CDC42SE2: variants seen among roughly 807,000 people sequenced by gnomAD.
CDC42SE2 encodes CDC42 small effector 2.
CDC42SE2 carries 3 observed loss-of-function variants against 11.5 expected under a neutral mutation model. The ratio of observed to expected loss-of-function variants is 0.26; its 90% CI spans 0.12 to 0.67. The LOEUF (loss-of-function observed/expected upper bound fraction) is 0.67. Ranked by LOEUF, CDC42SE2 falls within the 30% of genes least tolerant of loss-of-function variation. CDC42SE2 has a pLI of 0.80. For missense variants in CDC42SE2, 82 were observed against 106.8 expected (o/e 0.77, Z 1.02); for synonymous variants, 33 against 34.8 (o/e 0.95, Z 0.18).
At chr5:131,260,703 G>A (rs1028627374), upstream of CDC42SE2, among the ~76,000 whole-genome samples, 33 of 151,736 alleles carry the variant, frequency 2.2e-4, no homozygotes, top group South Asian at 6.3e-4. Flanking sequence ...GGAGGCCGAG[G>A]CAGGCGGATC....
At position 131,312,046 on chromosome 5, in the gene CDC42SE2, C is replaced by T. The variant is rs576121930; in HGVS notation, c.-454-3930C>T. Among the ~76,000 whole-genome samples the T allele has an allele frequency of 2.6e-3, 399 of 152,220 alleles. 2 individuals carry two copies. Among genetic ancestry groups the T allele is most frequent in the African/African-American group, 8.1e-3 (338 of 41,548 alleles). On this transcript the variant is annotated intron_variant, in intron 1 of 4. Transcript: ENST00000505065. ...TGCTTTTTAGAGTTTCCAGTTTTTC[C>T]GTTCTGTTTTTTCCCCATCTTTGTG...
At chr5:131,345,035 A>T (rs1758805165) in intron 2 of CDC42SE2, among the ~76,000 whole-genome samples, 1 of 152,198 alleles carries the variant, frequency 6.6e-6, no homozygotes. Context: ...ATAAAACCAC[A>T]AATATGGGGA....
upstream of CDC42SE2, among the ~76,000 whole-genome samples, chr5:131,263,219 GA>G (rs1756769603): frequency 6.6e-6 from 1 of 151,960 alleles, no homozygotes; most frequent in Non-Finnish European, 1.5e-5. Flanking sequence ...AGTATGAGAG[GA>G]GTTATGGATG....
intron 1 of CDC42SE2, among the ~76,000 whole-genome samples, chr5:131,280,827 A>G (rs1022820145): frequency 3.3e-5 from 5 of 152,182 alleles, no homozygotes; most frequent in African/African-American, 4.8e-5. Context: ...GCCTTCATCT[A>G]TCTGTAGTAT....
At chr5:131,210,202 G>T in the CDC42SE2 span, among the ~76,000 whole-genome samples, 874 of 152,280 alleles carry the variant, frequency 5.7e-3, 9 homozygotes, top group African/African-American at 0.02. Flanking sequence ...GAATTACCCA[G>T]CCTCAGGTAT....
chr5:131,372,541 G>A (rs1042780448), intron 3 of CDC42SE2, among the ~76,000 whole-genome samples: 3 of 151,904 alleles, frequency 2.0e-5, no homozygotes, highest in East Asian at 1.9e-4. Flanking sequence ...GTGAAACCCC[G>A]TCTCTACTAA....
rs1173495197 is a variant in CDC42SE2 at position 131,309,652 on chromosome 5, A to T, written c.-454-6324A>T. Among the ~76,000 whole-genome samples, 16 of 151,906 alleles carry T rather than the reference A, an allele frequency of 1.1e-4. No homozygotes were observed. In the East Asian group the frequency reaches 3.1e-3, roughly 29 times the overall value. On this transcript the variant is annotated intron_variant, in intron 1 of 4. Coordinates refer to ENST00000505065, the MANE Select transcript of CDC42SE2 (RefSeq NM_001375635.1). ...TGTTATTGGTCTATTCAGAGATTCA[A>T]CTTCTTCCTGGTTTAGTCTTGGGAG...
chr5:131,264,500 CT>C lies in CDC42SE2; in HGVS notation c.-455+335del, dbSNP rs1166711275. 6.5e-3 allele frequency among the ~76,000 whole-genome samples: 986 copies of C among 150,794 alleles called. 3 individuals carry two copies. Among genetic ancestry groups the C allele is most frequent in the Middle Eastern group, 0.01 (3 of 294 alleles). On this transcript the variant is annotated intron_variant, in intron 1 of 4. Coordinates refer to ENST00000505065, the MANE Select transcript of CDC42SE2 (RefSeq NM_001375635.1). ...TAAAATGGAAAGGCAGACCCCCCCC[CT>C]CCCCCCAACTTTTCACGTCTGGAAG...
chr5:131,290,480 T>TTTTTTG (rs1757434242), intron 1 of CDC42SE2, among the ~76,000 whole-genome samples: 1 of 143,964 alleles, frequency 6.9e-6, no homozygotes, highest in Non-Finnish European at 1.5e-5. Flanking sequence ...TTCTTTTTTT[T>TTTTTTG]TTTTTGTTTT....
rs1245939152 is a variant in CDC42SE2 at position 131,364,835 on chromosome 5, A to G, written c.54+5288A>G. 1.3e-5 allele frequency among the ~76,000 whole-genome samples: 2 copies of G among 152,166 alleles called. 1 individual carries two copies. ...GGGTGGGGGCATGAGGATATGTGCA[A>G]GTGATGGTGCTGGAGTTGCCACAGT... On this transcript the variant is annotated intron_variant, in intron 3 of 4. Coordinates refer to ENST00000505065, the MANE Select transcript of CDC42SE2 (RefSeq NM_001375635.1).
At chr5:131,385,726 A>AT in intron 4 of CDC42SE2, 82 bp downstream of exon 4, 1 of 769,460 alleles carries the variant, frequency 1.3e-6, no homozygotes, top group Non-Finnish European at 2.2e-6. Flanking sequence ...AGCATTTTTA[A>AT]TAGCATTATG....
chr5:131,307,868 T>C (rs910311841), intron 1 of CDC42SE2, among the ~76,000 whole-genome samples: 2 of 152,356 alleles, frequency 1.3e-5, no homozygotes, highest in African/African-American at 4.8e-5. Context: ...ATGTCTTCTT[T>C]TGAAAAGTGT....
At chr5:131,329,395 T>C (rs1349963023) in intron 2 of CDC42SE2, among the ~76,000 whole-genome samples, 2 of 152,156 alleles carry the variant, frequency 1.3e-5, no homozygotes, top group South Asian at 4.1e-4. Context: ...GTTTTTTTCT[T>C]CCCTACGGTT....
At chr5:131,333,773 T>C (rs1354938672) in intron 2 of CDC42SE2, among the ~76,000 whole-genome samples, 2 of 152,218 alleles carry the variant, frequency 1.3e-5, no homozygotes, top group East Asian at 1.9e-4. Context: ...CTGTCTGTTA[T>C]TGATGTATAA....
chr5:131,346,428 G>T (rs1242635100), intron 2 of CDC42SE2, among the ~76,000 whole-genome samples: 2 of 152,114 alleles, frequency 1.3e-5, no homozygotes, highest in South Asian at 4.1e-4. Flanking sequence ...AATGGTAAAG[G>T]GATCAATTCA....
intron 2 of CDC42SE2, among the ~76,000 whole-genome samples, chr5:131,338,679 A>G (rs745354118): frequency 5.3e-5 from 8 of 152,218 alleles, no homozygotes; most frequent in Non-Finnish European, 8.8e-5. Context: ...AGAACATACA[A>G]AGATTAAGTA....
chr5:131,391,181 A>C lies in CDC42SE2; in HGVS notation c.*90A>C. On this transcript the variant is annotated 3_prime_UTR_variant, in exon 5 of 5. Transcript: ENST00000505065. Reference sequence around the variant, plus strand: ...GGCCAATAATAGTAAATATATGTATATATATATAATTTTTTAATGGTGAAC... The same window carrying C: ...GGCCAATAATAGTAAATATATGTATCTATATATAATTTTTTAATGGTGAAC... 2.0e-6 allele frequency: 1 copy of C among 502,212 alleles called. No homozygotes were observed. The highest frequency in any genetic ancestry group is 6.1e-5 in the South Asian group (1 of 16,342). 31.1% of individuals were successfully genotyped at this position (502,212 alleles called of 1,614,324 possible).
chr5:131,329,433 A>G (rs1197371412), intron 2 of CDC42SE2, among the ~76,000 whole-genome samples: 1 of 152,166 alleles, frequency 6.6e-6, no homozygotes, highest in East Asian at 1.9e-4. Context: ...CCAGAAGTCC[A>G]TGACAGTTGT....
intron 2 of CDC42SE2, among the ~76,000 whole-genome samples, chr5:131,329,274 G>T (rs1012295645): frequency 6.6e-6 from 1 of 152,172 alleles, no homozygotes; most frequent in Non-Finnish European, 1.5e-5. Context: ...CAGGCTCCAG[G>T]TTACCAGTTT....
Sources: allele counts gnomAD v4.1 joint callset (sites outside exome capture counted in the v4.1 genomes callset), GRCh38; gene constraint gnomAD v4.1.1; transcripts MANE v1.5; gene names NCBI Gene and HGNC (gene_info 2026-07-23, HGNC 2026-07-21).